The following ARFIP1 variants were observed in gnomAD, a reference collection of about 807,000 sequenced individuals.
ARFIP1 encodes arfaptin-1.
In ARFIP1, 24 loss-of-function variants were observed where a neutral mutation model predicts 42.5. That is an observed-to-expected ratio of 0.57 (90% confidence interval 0.41 to 0.80). The LOEUF is 0.80. ARFIP1 is among the 30% of genes least tolerant of loss of function. The probability of loss-of-function intolerance (pLI) is 0.00; values close to 1 mark genes in which losing one functional copy is unlikely to be tolerated. For missense variants in ARFIP1, 354 were observed against 434.0 expected (o/e 0.82, Z 1.64); for synonymous variants, 141 against 153.7 (o/e 0.92, Z 0.61).
chr4:152,821,561 A>T (rs187992944), intron 1 of ARFIP1, among the ~76,000 whole-genome samples: 1 of 152,302 alleles, frequency 6.6e-6, no homozygotes, highest in East Asian at 1.9e-4. Context: ...AAAAATTGGA[A>T]AACTTATTTA....
intron 1 of ARFIP1, among the ~76,000 whole-genome samples, chr4:152,809,011 C>G (rs1313952195): frequency 2.0e-5 from 3 of 151,964 alleles, no homozygotes; most frequent in Non-Finnish European, 2.9e-5. Context: ...AAGATTGCAC[C>G]ACTGCATTCC....
intron 8 of ARFIP1, among the ~76,000 whole-genome samples, chr4:152,908,008 A>G (rs1178924201): frequency 6.6e-6 from 1 of 152,232 alleles, no homozygotes; most frequent in Non-Finnish European, 1.5e-5. Context: ...TCAATAGTAT[A>G]TAGTTGTTAT....
intron 1 of ARFIP1, among the ~76,000 whole-genome samples, chr4:152,797,054 C>T (rs1274142938): frequency 9.9e-5 from 15 of 152,074 alleles, no homozygotes; most frequent in Non-Finnish European, 1.6e-4. Context: ...TTCCCTATAC[C>T]AACTTTGAGC....
At chr4:152,788,749 G>A (rs192130558) in intron 1 of ARFIP1, among the ~76,000 whole-genome samples, 37 of 149,316 alleles carry the variant, frequency 2.5e-4, no homozygotes, top group Admixed American at 1.3e-3. Context: ...ATATTGGCAC[G>A]TAATTATTAA....
intron 5 of ARFIP1, among the ~76,000 whole-genome samples, chr4:152,879,437 C>T (rs1298976750): frequency 6.6e-6 from 1 of 152,074 alleles, no homozygotes; most frequent in Non-Finnish European, 1.5e-5. Context: ...TTCTACTATT[C>T]AGTGTGATTA....
intron 1 of ARFIP1, among the ~76,000 whole-genome samples, chr4:152,812,657 T>A (rs1375485414): frequency 6.6e-6 from 1 of 152,238 alleles, no homozygotes; most frequent in Non-Finnish European, 1.5e-5. Context: ...TGGACTTGGA[T>A]ACCCCACAAA....
intron 1 of ARFIP1, among the ~76,000 whole-genome samples, chr4:152,825,665 C>G (rs552077495): frequency 6.6e-6 from 1 of 152,180 alleles, no homozygotes; most frequent in African/African-American, 2.4e-5. Context: ...AAAGCAAATG[C>G]AAGAAAAACA....
chr4:152,807,118 G>T (rs1377082398), intron 1 of ARFIP1: 3 of 150,784 alleles, frequency 2.0e-5, no homozygotes, highest in African/African-American at 7.3e-5. Context: ...CATTCCTTTT[G>T]TATTGCTGAG....
chr4:152,889,049 G>A (rs1252921701), intron 8 of ARFIP1, among the ~76,000 whole-genome samples: 1 of 152,134 alleles, frequency 6.6e-6, no homozygotes, highest in Non-Finnish European at 1.5e-5. Flanking sequence ...ACCATTGCAC[G>A]TTGGTAGTTT....
At chr4:152,908,380 CTTT>C (rs901437045) in intron 8 of ARFIP1, among the ~76,000 whole-genome samples, 21 of 152,302 alleles carry the variant, frequency 1.4e-4, no homozygotes, top group African/African-American at 4.8e-4. Context: ...AATCCCAGTA[CTTT>C]GGGAGGCCAA....
chr4:152,794,196 A>C lies in ARFIP1; in HGVS notation c.-10+13970A>C, dbSNP rs149544405. 4.0e-3 allele frequency among the ~76,000 whole-genome samples: 602 copies of C among 152,318 alleles called. 1 individual carries two copies. The highest frequency in any genetic ancestry group is 0.011 in the South Asian group (51 of 4,826). On this transcript the variant is annotated intron_variant, in intron 1 of 8. Transcript: ENST00000353617. ...TTAAACTATAGCTCTTATTAGAATG[A>C]AACCAAATTTTCAACTACTGTCTGT...
rs146507456 is a variant in ARFIP1 at position 152,816,436 on chromosome 4, A to G, written c.-9-13189A>G. ...CATGATACCACCTCCTGATACTTGT[A>G]CTTACTGTTCTCTCTGCCTGCAGTG... On this transcript the variant is annotated intron_variant, in intron 1 of 8. Coordinates refer to ENST00000353617, the MANE Select transcript of ARFIP1 (RefSeq NM_001025595.3). Among the ~76,000 whole-genome samples the G allele has an allele frequency of 6.4e-3, 970 of 152,220 alleles. 11 individuals carry two copies. Among genetic ancestry groups the G allele is most frequent in the African/African-American group, 0.022 (906 of 41,520 alleles).
At chr4:152,832,480 T>C (rs997536964) in intron 2 of ARFIP1, among the ~76,000 whole-genome samples, 1 of 152,238 alleles carries the variant, frequency 6.6e-6, no homozygotes, top group African/African-American at 2.4e-5. Context: ...TCTGGGTATA[T>C]GCCATTTGTT....
intron 8 of ARFIP1, among the ~76,000 whole-genome samples, chr4:152,900,110 T>TGGAA (rs1011235617): frequency 2.0e-5 from 3 of 150,488 alleles, no homozygotes; most frequent in East Asian, 2.0e-4. Flanking sequence ...TTGGAGCTCT[T>TGGAA]GGAAGGAAGG....
intron 8 of ARFIP1, among the ~76,000 whole-genome samples, chr4:152,897,991 T>TC (rs1737490195): frequency 6.7e-6 from 1 of 148,958 alleles, no homozygotes. Context: ...TTCTTTTTTT[T>TC]TTTTTTTTTT....
At chr4:152,889,569 G>GTATA (rs1357298181) in intron 8 of ARFIP1, among the ~76,000 whole-genome samples, 3 of 112,808 alleles carry the variant, frequency 2.7e-5, no homozygotes, top group Admixed American at 9.7e-5. Context: ...ATATTTATGT[G>GTATA]TATATATAAA....
At position 152,903,425 on chromosome 4, in the gene ARFIP1, G is replaced by GA. The variant is rs748247966; in HGVS notation, c.967-6630dup. ...CAAATTGAGAACAATTCGCTTTTTAGAAAAAAAAATAGCTTCTTATATTTG... is the reference window on the plus strand; with the variant it reads ...CAAATTGAGAACAATTCGCTTTTTAGAAAAAAAAAATAGCTTCTTATATTTG... On this transcript the variant is annotated intron_variant, in intron 8 of 8. Transcript: ENST00000353617. 9.5e-4 allele frequency among the ~76,000 whole-genome samples: 139 copies of GA among 146,916 alleles called. 1 individual carries two copies. The highest frequency in any genetic ancestry group is 1.5e-3 in the Non-Finnish European group (102 of 66,674).
chr4:152,804,199 CATGTATT>C (rs1387300945), intron 1 of ARFIP1, among the ~76,000 whole-genome samples: 6 of 34,358 alleles, frequency 1.7e-4, no homozygotes, highest in African/African-American at 5.9e-4. Flanking sequence ...TATAATATAA[CATGTATT>C]ATATATTATA....
chr4:152,902,373 G>T (rs757760538), intron 8 of ARFIP1, among the ~76,000 whole-genome samples: 1 of 152,118 alleles, frequency 6.6e-6, no homozygotes, highest in African/African-American at 2.4e-5. Context: ...ATGGTGATGC[G>T]CACCATTATT....
Sources: allele counts gnomAD v4.1 joint callset (sites outside exome capture counted in the v4.1 genomes callset), GRCh38; gene constraint gnomAD v4.1.1; transcripts MANE v1.5; gene names NCBI Gene and HGNC (gene_info 2026-07-23, HGNC 2026-07-21).